Variants in DCAF8L2 observed in about 807,000 individuals in gnomAD.
The protein encoded by DCAF8L2 is DDB1- and CUL4-associated factor 8-like protein 2.
For synonymous variants in DCAF8L2, 200 were observed against 190.9 expected (o/e 1.05, Z -0.39); for missense variants, 430 against 490.7 (o/e 0.88, Z 1.17).
intron 1 of DCAF8L2, among the ~76,000 whole-genome samples, chrX:27,614,007 G>A (rs1927326163): frequency 9.0e-6 from 1 of 111,422 alleles, no homozygotes; most frequent in African/African-American, 3.3e-5. Context: ...CTATTGTTTG[G>A]AAAAGTTTCA....
chrX:27,521,761 G>A, the DCAF8L2 span, among the ~76,000 whole-genome samples: 1 of 111,521 alleles, frequency 9.0e-6, no homozygotes, highest in Non-Finnish European at 1.9e-5. Flanking sequence ...TCTAAAAAGA[G>A]TAAAACTTTA....
At chrX:27,599,356 G>T (rs1034072306) in intron 1 of DCAF8L2, among the ~76,000 whole-genome samples, 1 of 111,046 alleles carries the variant, frequency 9.0e-6, no homozygotes, top group African/African-American at 3.3e-5. Flanking sequence ...AATGGTGGTT[G>T]CCAGTGGTTG....
At chrX:27,508,543 T>C in the DCAF8L2 span, among the ~76,000 whole-genome samples, 1 of 108,864 alleles carries the variant, frequency 9.2e-6, no homozygotes, top group African/African-American at 3.3e-5. Flanking sequence ...TAATCATCAT[T>C]TTGTGATTCA....
intron 2 of DCAF8L2, among the ~76,000 whole-genome samples, chrX:27,669,097 A>G (rs1929850394): frequency 9.0e-6 from 1 of 111,621 alleles, no homozygotes; most frequent in Admixed American, 9.5e-5. Flanking sequence ...ATATTTCCCA[A>G]TTTTACAAAA....
intron 2 of DCAF8L2, among the ~76,000 whole-genome samples, chrX:27,651,544 C>G (rs1929152595): frequency 1.2e-5 from 1 of 85,054 alleles, no homozygotes; most frequent in African/African-American, 4.6e-5. Context: ...GAGTCTTGCT[C>G]TGTCGCCCAG....
the DCAF8L2 span, among the ~76,000 whole-genome samples, chrX:27,481,665 A>G: frequency 9.0e-6 from 1 of 111,437 alleles, no homozygotes. Flanking sequence ...GGGATAGGTC[A>G]GGTAACGGAA....
chrX:27,590,724 GA>G (rs1421983625), intron 1 of DCAF8L2, among the ~76,000 whole-genome samples: 5 of 110,094 alleles, frequency 4.5e-5, no homozygotes, highest in African/African-American at 1.6e-4. Flanking sequence ...ACATTGATAT[GA>G]AAATATTCCT....
At chrX:27,545,733 C>T in the DCAF8L2 span, among the ~76,000 whole-genome samples, 2 of 111,845 alleles carry the variant, frequency 1.8e-5, no homozygotes, top group East Asian at 2.8e-4. Flanking sequence ...TTAATTGACT[C>T]CCAGTTCCAC....
the DCAF8L2 span, among the ~76,000 whole-genome samples, chrX:27,491,872 G>T: frequency 2.7e-5 from 3 of 111,443 alleles, no homozygotes; most frequent in Non-Finnish European, 5.6e-5. Flanking sequence ...TTCTGATTTA[G>T]CATTGCTGGT....
At chrX:27,713,875 T>A (rs2147286834) in intron 3 of DCAF8L2, among the ~76,000 whole-genome samples, 1 of 111,161 alleles carries the variant, frequency 9.0e-6, no homozygotes, top group South Asian at 3.8e-4. Flanking sequence ...GAAAAGAGGG[T>A]AATATCAGAA....
chrX:27,688,612 C>T (rs1176956473), intron 3 of DCAF8L2, among the ~76,000 whole-genome samples: 3 of 111,182 alleles, frequency 2.7e-5, no homozygotes, highest in Non-Finnish European at 3.8e-5. Context: ...TTGCCTAGTG[C>T]TTTTTCTTCT....
chrX:27,614,893 T>G (rs1638745193), intron 1 of DCAF8L2, among the ~76,000 whole-genome samples: 1 of 111,440 alleles, frequency 9.0e-6, no homozygotes, highest in Admixed American at 9.6e-5. Flanking sequence ...AATTTTGGAA[T>G]AAGTTCAGAT....
At chrX:27,527,341 C>T in the DCAF8L2 span, among the ~76,000 whole-genome samples, 2 of 112,370 alleles carry the variant, frequency 1.8e-5, no homozygotes, top group African/African-American at 6.5e-5. Context: ...AGGATATAAT[C>T]TCCTGGTGTG....
At chrX:27,562,453 A>G in the DCAF8L2 span, among the ~76,000 whole-genome samples, 1 of 112,382 alleles carries the variant, frequency 8.9e-6, no homozygotes, top group African/African-American at 3.2e-5. Flanking sequence ...CCCAGCTCTA[A>G]AACACCATCT....
chrX:27,517,938 C>T, the DCAF8L2 span: 4 of 1,197,659 alleles, frequency 3.3e-6, no homozygotes, highest in South Asian at 1.8e-5. Context: ...AGTTGGTTTG[C>T]GTGAGGTCTG....
intron 4 of DCAF8L2, among the ~76,000 whole-genome samples, chrX:27,743,975 T>A (rs951437781): frequency 9.1e-6 from 1 of 109,827 alleles, no homozygotes; most frequent in Non-Finnish European, 1.9e-5. Flanking sequence ...TCAAATGATA[T>A]GCCCACCTCA....
In DCAF8L2 at chrX:27,646,887, A is replaced by G. The variant is rs972366078; in HGVS notation, c.-220+14887A>G. 1.8e-4 allele frequency among the ~76,000 whole-genome samples: 20 copies of G among 111,788 alleles called. No homozygotes were observed. In the East Asian group the frequency reaches 2.3e-3, roughly 13 times the overall value. The stretch of plus-strand genomic sequence containing the variant: ...CCATCTCATGCCACTCAGAATGGCA[A>G]TTATTAAAAAGTCAAGAAACAACAA... On this transcript the variant is annotated intron_variant, in intron 2 of 4. Transcript: ENST00000451261.
At chrX:27,496,694 C>T in the DCAF8L2 span, among the ~76,000 whole-genome samples, 1 of 112,019 alleles carries the variant, frequency 8.9e-6, no homozygotes, top group Non-Finnish European at 1.9e-5. Flanking sequence ...ATCCTACGCT[C>T]CTTAACTTAC....
chrX:27,584,588 C>T, the DCAF8L2 span, among the ~76,000 whole-genome samples: 1 of 110,720 alleles, frequency 9.0e-6, no homozygotes, highest in Non-Finnish European at 1.9e-5. Flanking sequence ...ACATTGTTTG[C>T]ACTACACTAG....
Sources: gnomAD v4.1 joint callset for allele counts (sites outside exome capture counted in the v4.1 genomes callset) on GRCh38, gnomAD v4.1.1 for gene constraint, MANE v1.5 for transcripts, NCBI Gene and HGNC (gene_info 2026-07-23, HGNC 2026-07-21) for gene names.